The following COPG2 variants were observed in gnomAD, a reference collection of about 807,000 sequenced individuals.
COPG2 encodes coatomer subunit gamma-2.
In COPG2, 37 loss-of-function variants were observed where a neutral mutation model predicts 46.3. The observed-to-expected ratio is 0.80, with a 90% CI of 0.61 to 1.05. The LOEUF (loss-of-function observed/expected upper bound fraction) is 1.05, where lower values mean the gene tolerates loss of function less well. Ranked by LOEUF, COPG2 falls within the 50% of genes least tolerant of loss-of-function variation. The probability of loss-of-function intolerance (pLI) is 0.00; values close to 1 mark genes in which losing one functional copy is unlikely to be tolerated. For synonymous variants in COPG2, 159 were observed against 129.7 expected, an observed-to-expected ratio of 1.23 and a Z score of -1.53; for missense variants, 427 against 387.8, an observed-to-expected ratio of 1.10 and a Z score of -0.85.
intron 20 of COPG2, among the ~76,000 whole-genome samples, chr7:130,513,341 A>ATATATATATATATATGTG (rs1215646008): frequency 3.3e-4 from 17 of 51,532 alleles, no homozygotes; most frequent in Non-Finnish European, 6.7e-4. Context: ...ATATATATAT[A>ATATATATATATATATGTG]TGTGTGTGTG....
In COPG2 at chr7:130,578,157, G is replaced by A. The variant is rs1420246987; in HGVS notation, c.738-13764C>T. Among the ~76,000 whole-genome samples the A allele has an allele frequency of 7.4e-4, 111 of 149,794 alleles. 1 individual carries two copies. Among genetic ancestry groups the A allele is most frequent in the Non-Finnish European group, 8.5e-4 (57 of 66,952 alleles). On this transcript the variant is annotated intron_variant, in intron 9 of 23. Transcript: ENST00000425248. ...AGCACGCAGCTGGAGATCTGAGAAC[G>A]GGCAGACTGCCTCCTCAAGTGGGTC...
chr7:130,510,579 C>T (rs1289291198), intron 20 of COPG2, among the ~76,000 whole-genome samples: 1 of 152,102 alleles, frequency 6.6e-6, no homozygotes, highest in African/African-American at 2.4e-5. Flanking sequence ...GGTATGAAGG[C>T]AGATCACAGA....
chr7:130,603,793 G>C (rs1794681090), intron 9 of COPG2: 1 of 514,776 alleles, frequency 1.9e-6, no homozygotes, highest in African/African-American at 2.0e-5. Context: ...TTGTACAGTT[G>C]ATCCTCGAAC....
chr7:130,518,075 AAC>A (rs1799693612), intron 20 of COPG2, among the ~76,000 whole-genome samples: 1 of 152,222 alleles, frequency 6.6e-6, no homozygotes. Flanking sequence ...CAGCATTGCA[AAC>A]ACAGCACTAC....
intron 5 of COPG2, among the ~76,000 whole-genome samples, chr7:130,619,891 T>G (rs537625103): frequency 6.6e-6 from 1 of 152,314 alleles, no homozygotes; most frequent in African/African-American, 2.4e-5. Context: ...CACTGAAAAC[T>G]GCCATGAATG....
rs1554459324 is a variant in COPG2, at chr7:130,652,915, T to G, written c.277A>C (p.Lys93Gln). The G allele has an allele frequency of 6.2e-7, 1 of 1,607,188 alleles. No individual in the cohort carries two copies. The highest frequency in any genetic ancestry group is 8.5e-7 in the Non-Finnish European group (1 of 1,176,184). Reference sequence around the variant, plus strand: ...TCCTCAGAGATGGTAGCCATTTCTTTGATGGTAAGGTAGCACATTCTCCTC... The same window carrying G: ...TCCTCAGAGATGGTAGCCATTTCTTGGATGGTAAGGTAGCACATTCTCCTC... ...TLRRMCYLTIKEMATISEDVI... is the reference protein window; with the variant it reads ...TLRRMCYLTIQEMATISEDVI... The change falls in exon 5 of 24, where the codon AAA (lysine) becomes CAA (glutamine). Residue 93 changes from lysine (K) to glutamine (Q), a missense_variant. Lys to Gln is a moderately conservative substitution (Grantham distance 53, BLOSUM62 1). Coordinates refer to ENST00000425248, the MANE Select transcript of COPG2 (RefSeq NM_012133.6).
intron 20 of COPG2, among the ~76,000 whole-genome samples, chr7:130,542,654 G>C (rs972143550): frequency 2.0e-5 from 3 of 152,158 alleles, no homozygotes; most frequent in African/African-American, 2.4e-5. Context: ...GCAACACTGT[G>C]TGTAGACTGT....
intron 12 of COPG2, among the ~76,000 whole-genome samples, chr7:130,560,452 C>T (rs1793700333): frequency 6.6e-6 from 1 of 152,052 alleles, no homozygotes; most frequent in Non-Finnish European, 1.5e-5. Flanking sequence ...AGTCATAATC[C>T]TAGCAGGCTT....
At chr7:130,525,179 A>T (rs1282351073) in intron 20 of COPG2, among the ~76,000 whole-genome samples, 1 of 152,150 alleles carries the variant, frequency 6.6e-6, no homozygotes, top group Non-Finnish European at 1.5e-5. Flanking sequence ...AGGGACTGAA[A>T]GCATTTAACA....
intron 4 of COPG2, among the ~76,000 whole-genome samples, chr7:130,654,833 T>TTTTG (rs71178600): frequency 7.3e-5 from 11 of 151,534 alleles, no homozygotes; most frequent in Non-Finnish European, 7.4e-5. Flanking sequence ...CCCTGGGTTT[T>TTTTG]TTTGTTTGTT....
intron 20 of COPG2, among the ~76,000 whole-genome samples, chr7:130,528,811 G>A (rs1163552474): frequency 1.3e-5 from 2 of 151,988 alleles, no homozygotes; most frequent in Non-Finnish European, 2.9e-5. Context: ...GGGATGCGCT[G>A]CAGTAAAGGA....
intron 4 of COPG2, 124 bp from the exon 5 acceptor site, chr7:130,653,072 AC>A (rs1795779782): frequency 6.6e-6 from 4 of 606,478 alleles, no homozygotes; most frequent in South Asian, 2.3e-5. Context: ...AGTCTCATCT[AC>A]CAAAAAAAAA....
chr7:130,524,398 G>A (rs1799755039), intron 20 of COPG2, among the ~76,000 whole-genome samples: 1 of 152,200 alleles, frequency 6.6e-6, no homozygotes, highest in East Asian at 1.9e-4. Context: ...GAGGAGGAAA[G>A]CAGGAGAAAC....
At chr7:130,651,283 A>T (rs1288265072) in intron 5 of COPG2, among the ~76,000 whole-genome samples, 2 of 151,984 alleles carry the variant, frequency 1.3e-5, no homozygotes, top group Admixed American at 6.6e-5. Flanking sequence ...ATAAGTCTGT[A>T]TAACTTCTAT....
intron 20 of COPG2, among the ~76,000 whole-genome samples, chr7:130,529,557 A>G (rs1799804550): frequency 6.6e-6 from 1 of 152,182 alleles, no homozygotes; most frequent in African/African-American, 2.4e-5. Flanking sequence ...GTGTCCGCAG[A>G]TCTCAGGATA....
intron 9 of COPG2, among the ~76,000 whole-genome samples, chr7:130,580,252 A>G (rs1794106781): frequency 6.6e-6 from 1 of 151,994 alleles, no homozygotes; most frequent in Non-Finnish European, 1.5e-5. Flanking sequence ...ACTACTGGAT[A>G]CATAACGAAA....
At chr7:130,642,637 T>C (rs1206513601) in intron 5 of COPG2, among the ~76,000 whole-genome samples, 2 of 152,238 alleles carry the variant, frequency 1.3e-5, no homozygotes, top group Non-Finnish European at 2.9e-5. Context: ...ATTTGTTCCT[T>C]CTTCTTTGAT....
At chr7:130,539,338 A>G (rs1002118410) in intron 20 of COPG2, among the ~76,000 whole-genome samples, 1 of 152,286 alleles carries the variant, frequency 6.6e-6, no homozygotes, top group Admixed American at 6.5e-5. Context: ...TTCATGGAAC[A>G]GAAAGAGAAA....
rs149617772 is a variant in COPG2, at chr7:130,510,824, C to T, written c.2150-2165G>A. On this transcript the variant is annotated intron_variant, in intron 20 of 23. Coordinates refer to ENST00000425248, the MANE Select transcript of COPG2 (RefSeq NM_012133.6). ...CTGTCGAAGCTGCTGGAGAGGATGA[C>T]GAAATGGGGCGAGGAGGCAAGATGC... 2.0e-4 allele frequency: 92 copies of T among 468,476 alleles called. No homozygotes were observed. The East Asian group carries it at 4.7e-3, about 24-fold the overall frequency. The allele number at this position is 468,476 out of a possible 1,614,324, so 29.0% of individuals were successfully genotyped here. A position where few individuals can be genotyped will look rare whatever the true frequency, so the allele number is the denominator to read the frequency against.
Sources: gnomAD v4.1 joint callset for allele counts (sites outside exome capture counted in the v4.1 genomes callset) on GRCh38, gnomAD v4.1.1 for gene constraint, MANE v1.5 for transcripts, NCBI Gene and HGNC (gene_info 2026-07-23, HGNC 2026-07-21) for gene names.